The following OSBPL8 variants were observed in gnomAD, a reference collection of about 807,000 sequenced individuals.
OSBPL8 encodes the protein oxysterol binding protein like 8.
In OSBPL8, 59 loss-of-function variants were observed where a neutral mutation model predicts 125.5. That is an observed-to-expected ratio of 0.47 (90% CI 0.38 to 0.58). The LOEUF (loss-of-function observed/expected upper bound fraction) is 0.58, where lower values mean the gene tolerates loss of function less well. Ranked by LOEUF, OSBPL8 falls within the 20% of genes least tolerant of loss-of-function variation. The pLI, the probability that OSBPL8 is intolerant of heterozygous loss-of-function variation, is 0.00. For missense variants in OSBPL8, 758 were observed against 1,047.8 expected (o/e 0.72, Z 3.82); for synonymous variants, 330 against 338.9 (o/e 0.97, Z 0.29).
chr12:76,353,317 T>A lies in OSBPL8; in HGVS notation c.*2572A>T, dbSNP rs1471374911. On this transcript the variant is annotated 3_prime_UTR_variant, in exon 24 of 24. Transcript: ENST00000261183. The stretch of plus-strand genomic sequence containing the variant: ...ATTGTTGTTGTTTTTTTTTTTTTTT[T>A]ACATGTCCTGGGCCAGCTACATTTT... The A allele has an allele frequency of 7.1e-6, 1 of 140,668 alleles. No individual in the cohort carries two copies. The highest frequency in any genetic ancestry group is 2.6e-5 in the African/African-American group (1 of 38,152). The allele number at this position is 140,668 out of a possible 1,614,324, so 8.7% of individuals were successfully genotyped here. A position where few individuals can be genotyped will look rare whatever the true frequency, so the allele number is the denominator to read the frequency against.
intron 1 of OSBPL8, among the ~76,000 whole-genome samples, chr12:76,527,495 G>A (rs1233606378): frequency 6.6e-6 from 1 of 152,024 alleles, no homozygotes; most frequent in African/African-American, 2.4e-5. Flanking sequence ...CCTTATCATC[G>A]AGTATAAATC....
rs1951999701 is a variant in OSBPL8, at chr12:76,356,710, C to T, written c.2453G>A (p.Ser818Asn). 1 of 1,605,498 alleles carries T rather than the reference C, an allele frequency of 6.2e-7. No individual in the cohort carries two copies. Among genetic ancestry groups the T allele is most frequent in the East Asian group, 2.2e-5 (1 of 44,590 alleles). The change falls in exon 23 of 24, where the codon AGT (serine) becomes AAT (asparagine). Residue 818 changes from serine (S) to asparagine (N), a missense_variant. Coordinates refer to ENST00000261183, the MANE Select transcript of OSBPL8 (RefSeq NM_020841.5). ...SGSEAQSVKP[S>N]TRRKKGIELG... The stretch of plus-strand genomic sequence containing the variant: ...TTCTATTCCTTTCTTTCTTCTTGTA[C>T]TTGGTTTTACTGATTGAGCTAAAAA...
rs1472728041 is a variant in OSBPL8 at position 76,383,112 on chromosome 12, A to G, written c.1630+1142T>C. On this transcript the variant is annotated intron_variant, in intron 15 of 23. Transcript: ENST00000261183. Reference sequence around the variant, plus strand: ...TTCTGGATTTAATAGATTCTTTCAAATTATAAAGGAACAGATAGCTCTGAT... The same window carrying G: ...TTCTGGATTTAATAGATTCTTTCAAGTTATAAAGGAACAGATAGCTCTGAT... Among the ~76,000 whole-genome samples the G allele has an allele frequency of 2.6e-5, 4 of 152,312 alleles. No individual in the cohort carries two copies. In the East Asian group the frequency reaches 7.7e-4, roughly 29 times the overall value.
intron 4 of OSBPL8, among the ~76,000 whole-genome samples, chr12:76,412,956 T>C (rs1868290894): frequency 6.6e-6 from 1 of 152,166 alleles, no homozygotes; most frequent in Non-Finnish European, 1.5e-5. Context: ...TCACACATAC[T>C]TGTACTACAG....
rs530197507 is a variant in OSBPL8 at position 76,482,409 on chromosome 12, T to C, written c.42+5101A>G. 2.5e-4 allele frequency among the ~76,000 whole-genome samples: 38 copies of C among 152,110 alleles called. 1 individual carries two copies. The South Asian group carries it at 6.6e-3, about 27-fold the overall frequency. ...CGGGCGGATCACTTGAGGTCGGGAGTTCGAGACCAGCCTGACCAACATGGA... is the reference window on the plus strand; with the variant it reads ...CGGGCGGATCACTTGAGGTCGGGAGCTCGAGACCAGCCTGACCAACATGGA... On this transcript the variant is annotated intron_variant, in intron 2 of 23. Transcript: ENST00000261183.
chr12:76,463,457 T>A (rs1565917478), intron 2 of OSBPL8, among the ~76,000 whole-genome samples: 1 of 152,156 alleles, frequency 6.6e-6, no homozygotes. Context: ...AGTGGAAATG[T>A]CAAGTAAGCA....
chr12:76,516,837 TG>T (rs1881589330), intron 1 of OSBPL8, among the ~76,000 whole-genome samples: 1 of 148,860 alleles, frequency 6.7e-6, no homozygotes, highest in South Asian at 2.1e-4. Context: ...TTTTTTGAGA[TG>T]GAGACTAGCT....
rs757317528 is a variant in OSBPL8 at position 76,386,622 on chromosome 12, T to C, written c.1391A>G (p.Lys464Arg). The C allele has an allele frequency of 6.2e-7, 1 of 1,608,830 alleles. No individual in the cohort carries two copies. Among genetic ancestry groups the C allele is most frequent in the Non-Finnish European group, 8.5e-7 (1 of 1,177,326 alleles). Residue 464 changes from lysine (K) to arginine (R), a missense_variant, in exon 13 of 24, where the codon AAA becomes AGA. Around this residue, in one of 3 missense-constraint regions of OSBPL8, gnomAD observed 572 missense variants for 762.0 expected, o/e 0.75. Coordinates refer to ENST00000261183, the MANE Select transcript of OSBPL8 (RefSeq NM_020841.5). ...TCCTGACAAATACCATTTCACTACT[T>C]TCTTCAAACGGAAATAAGGATTTTC... ...LEENPYFRLK[K>R]VVKWYLSGFY... is the part of the protein sequence containing the mutation.
At chr12:76,381,567 T>C (rs1243529997) in intron 15 of OSBPL8, among the ~76,000 whole-genome samples, 3 of 152,192 alleles carry the variant, frequency 2.0e-5, no homozygotes, top group Non-Finnish European at 4.4e-5. Context: ...ATGATTATTA[T>C]GTTATCCTGA....
chr12:76,525,379 C>T (rs1950144385), intron 1 of OSBPL8, among the ~76,000 whole-genome samples: 1 of 152,020 alleles, frequency 6.6e-6, no homozygotes, highest in South Asian at 2.1e-4. Flanking sequence ...GATATTTTTA[C>T]CAAATATTTA....
chr12:76,459,950 G>A (rs1874513615), intron 2 of OSBPL8, 55 bp from the exon 3 acceptor site: 1 of 1,569,078 alleles, frequency 6.4e-7, no homozygotes, highest in Non-Finnish European at 8.8e-7. Context: ...TCAGGAAGAA[G>A]CAAAATGCAT....
At chr12:76,547,760 A>T (rs193088768) in intron 1 of OSBPL8, among the ~76,000 whole-genome samples, 2 of 152,306 alleles carry the variant, frequency 1.3e-5, no homozygotes, top group East Asian at 3.9e-4. Context: ...CATTCCCTGG[A>T]GCAAAGTCAC....
At chr12:76,387,624 G>C (rs1023278532) in intron 12 of OSBPL8, among the ~76,000 whole-genome samples, 5 of 152,066 alleles carry the variant, frequency 3.3e-5, no homozygotes, top group African/African-American at 9.7e-5. Context: ...TAGCTACTAT[G>C]CCCTTATTTA....
At chr12:76,495,502 A>C (rs908751361) in intron 1 of OSBPL8, among the ~76,000 whole-genome samples, 12 of 152,224 alleles carry the variant, frequency 7.9e-5, no homozygotes, top group African/African-American at 2.9e-4. Context: ...CATAGTACTG[A>C]AGTCTGCTGC....
chr12:76,367,746 G>C (rs1428149120), intron 21 of OSBPL8, among the ~76,000 whole-genome samples: 1 of 151,686 alleles, frequency 6.6e-6, no homozygotes, highest in African/African-American at 2.4e-5. Context: ...GGTTACTATG[G>C]GGATGACATT....
intron 1 of OSBPL8, among the ~76,000 whole-genome samples, chr12:76,520,428 A>G (rs1881961367): frequency 6.6e-6 from 1 of 152,134 alleles, no homozygotes; most frequent in South Asian, 2.1e-4. Flanking sequence ...AATTAATGTG[A>G]GCCTGGTATG....
chr12:76,354,525 C>T lies in OSBPL8; in HGVS notation c.*1364G>A, dbSNP rs899055928. 6.6e-6 allele frequency: 1 copy of T among 151,674 alleles called. No individual in the cohort carries two copies. Among genetic ancestry groups the T allele is most frequent in the Non-Finnish European group, 1.5e-5 (1 of 67,774 alleles). 9.4% of individuals were successfully genotyped at this position (151,674 alleles called of 1,614,324 possible). On this transcript the variant is annotated 3_prime_UTR_variant, in exon 24 of 24. Coordinates refer to ENST00000261183, the MANE Select transcript of OSBPL8 (RefSeq NM_020841.5). ...GGTCAGGGCAATTATTCTCTCTGAC[C>T]TTCATTTTCATTAAAAAAACATTTC...
chr12:76,536,097 T>G (rs545617390), intron 1 of OSBPL8, among the ~76,000 whole-genome samples: 1 of 149,642 alleles, frequency 6.7e-6, no homozygotes, highest in African/African-American at 2.5e-5. Context: ...ATTGGGGGGG[T>G]GTGAGGTGGA....
At chr12:76,358,848 G>A (rs372181296) in intron 21 of OSBPL8, 37 bp from the exon 22 acceptor site, 6 of 1,546,230 alleles carry the variant, frequency 3.9e-6, no homozygotes, top group Non-Finnish European at 3.6e-6. Context: ...AATTTGCACT[G>A]TATTTTGGAC....
Sources: allele counts gnomAD v4.1 joint callset (sites outside exome capture counted in the v4.1 genomes callset), GRCh38; gene constraint gnomAD v4.1.1; regional missense constraint gnomAD v4.1.1; transcripts MANE v1.5; gene names NCBI Gene and HGNC (gene_info 2026-07-23, HGNC 2026-07-21).